The following KIRREL3 variants were observed in gnomAD, a reference collection of about 807,000 sequenced individuals.
KIRREL3 encodes the protein kirre like nephrin family adhesion molecule 3, also known as kin of IRRE-like protein 3.
Under a neutral mutation model 89.7 loss-of-function variants are expected in KIRREL3, and 36 were observed. The observed-to-expected ratio is 0.40, with a 90% CI of 0.31 to 0.53. The LOEUF (loss-of-function observed/expected upper bound fraction) is 0.53. Among genes scored for constraint, KIRREL3 ranks in the 20% least tolerant of loss-of-function variants. KIRREL3 has a pLI of 0.49. For synonymous variants in KIRREL3, 445 were observed against 441.4 expected (o/e 1.01, Z -0.10); for missense variants, 864 against 1,056.6 (o/e 0.82, Z 2.53).
rs923079557 is a variant in KIRREL3, at chr11:126,860,130, G to T, written c.55+140325C>A. Among the ~76,000 whole-genome samples the T allele has an allele frequency of 6.6e-6, 1 of 152,200 alleles. No homozygotes were observed. Among genetic ancestry groups the T allele is most frequent in the Non-Finnish European group, 1.5e-5 (1 of 68,038 alleles). On this transcript the variant is annotated intron_variant, in intron 1 of 16. Transcript: ENST00000525144. The surrounding 1 kb of genome is among the most constrained non-coding windows in gnomAD (Gnocchi z 4.6). ...GGAGTAAGGAGGATAAGGAGAGAAA[G>T]AGGGAGGATGATATTGGAATTAATT...
intron 1 of KIRREL3, among the ~76,000 whole-genome samples, chr11:126,863,953 T>A (rs1260967872): frequency 6.6e-6 from 1 of 152,162 alleles, no homozygotes; most frequent in Non-Finnish European, 1.5e-5. Context: ...GGGACCCCTG[T>A]TACCTGGCTA....
At chr11:126,933,326 C>A (rs1948036172) in intron 1 of KIRREL3, among the ~76,000 whole-genome samples, 1 of 151,910 alleles carries the variant, frequency 6.6e-6, no homozygotes, top group Admixed American at 6.6e-5. Flanking sequence ...AGCCTAAGTT[C>A]ATTGCAGCCT....
At chr11:126,449,980 CG>C (rs1165998083) in intron 7 of KIRREL3, among the ~76,000 whole-genome samples, 1 of 152,192 alleles carries the variant, frequency 6.6e-6, no homozygotes, top group Non-Finnish European at 1.5e-5. Context: ...GGATGTGAGT[CG>C]GAAGTCTCTT....
Position 126,754,431 on chromosome 11 carries a change from G to A in KIRREL3, c.56-191519C>T, listed in dbSNP as rs1220491078. ...TCAATTCAGACCGTGTAACTAGGCT[G>A]GATGCCTGGTTGAAGGGCTTTCTTT... is the stretch of plus-strand genomic sequence containing the variant. On this transcript the variant is annotated intron_variant, in intron 1 of 16. Transcript: ENST00000525144. The surrounding 1 kb of genome is among the most constrained non-coding windows in gnomAD (Gnocchi z 5.1). Among the ~76,000 whole-genome samples, 2 of 152,112 alleles carry A rather than the reference G, an allele frequency of 1.3e-5. No individual in the cohort carries two copies. The highest frequency in any genetic ancestry group is 2.4e-5 in the African/African-American group (1 of 41,420).
rs1263932839 is a variant in KIRREL3, at chr11:126,666,464, C to T, written c.56-103552G>A. The stretch of plus-strand genomic sequence containing the variant: ...AGCTCTTAGAGGATTGCTGAGCCTT[C>T]TAAGGGTTTACCAAGAAGGGACAAA... On this transcript the variant is annotated intron_variant, in intron 1 of 16. Transcript: ENST00000525144. The surrounding 1 kb of genome is among the most constrained non-coding windows in gnomAD (Gnocchi z 4.2). Among the ~76,000 whole-genome samples, 1 of 152,148 alleles carries T rather than the reference C, an allele frequency of 6.6e-6. No individual in the cohort carries two copies. The highest frequency in any genetic ancestry group is 1.5e-5 in the Non-Finnish European group (1 of 68,038).
intron 1 of KIRREL3, among the ~76,000 whole-genome samples, chr11:126,930,146 A>G (rs1238477725): frequency 6.7e-6 from 1 of 150,158 alleles, no homozygotes; most frequent in Non-Finnish European, 1.5e-5. Context: ...CACTTTTCTT[A>G]ATGCATTAAA....
At chr11:126,974,451 C>A (rs1269950971) in intron 1 of KIRREL3, among the ~76,000 whole-genome samples, 4 of 150,846 alleles carry the variant, frequency 2.7e-5, no homozygotes, top group Non-Finnish European at 5.9e-5. Context: ...GCCCGTTACA[C>A]ACCTAGGCTA....
chr11:126,986,895 C>T (rs1949882481), intron 1 of KIRREL3, among the ~76,000 whole-genome samples: 1 of 152,162 alleles, frequency 6.6e-6, no homozygotes, highest in Non-Finnish European at 1.5e-5. Flanking sequence ...TGAGGGGACA[C>T]CATAAGGAAG....
chr11:126,738,119 C>T lies in KIRREL3; in HGVS notation c.56-175207G>A, dbSNP rs573655143. Among the ~76,000 whole-genome samples, 7 of 152,258 alleles carry T rather than the reference C, an allele frequency of 4.6e-5. No homozygotes were observed. The East Asian group carries it at 5.8e-4, about 13-fold the overall frequency. ...GCCAGGGCAGGAGAATGTAAATACACGAGTATACCTAGACCTTCCGATATG... is the reference window on the plus strand; with the variant it reads ...GCCAGGGCAGGAGAATGTAAATACATGAGTATACCTAGACCTTCCGATATG... On this transcript the variant is annotated intron_variant, in intron 1 of 16. Coordinates refer to ENST00000525144, the MANE Select transcript of KIRREL3 (RefSeq NM_032531.4).
chr11:126,851,327 T>G (rs916994189), intron 1 of KIRREL3, among the ~76,000 whole-genome samples: 2 of 152,246 alleles, frequency 1.3e-5, no homozygotes, highest in Non-Finnish European at 2.9e-5. Flanking sequence ...TGTACACTAC[T>G]GGTCCTGAAA....
intron 1 of KIRREL3, among the ~76,000 whole-genome samples, chr11:126,818,026 T>C (rs944868242): frequency 6.6e-6 from 1 of 152,174 alleles, no homozygotes; most frequent in African/African-American, 2.4e-5. Context: ...GACAGATCAA[T>C]CTTGATTAGA....
At chr11:126,728,688 C>G (rs1419782967) in intron 1 of KIRREL3, among the ~76,000 whole-genome samples, 1 of 152,168 alleles carries the variant, frequency 6.6e-6, no homozygotes, top group Non-Finnish European at 1.5e-5. Flanking sequence ...GCAGGAGAAG[C>G]CCTGAGTACT....
chr11:126,536,209 A>G (rs1937854895), intron 2 of KIRREL3, among the ~76,000 whole-genome samples: 2 of 152,170 alleles, frequency 1.3e-5, no homozygotes, highest in South Asian at 4.1e-4. Flanking sequence ...TTTGGAAGGA[A>G]CAGTGATCTG....
intron 3 of KIRREL3, among the ~76,000 whole-genome samples, chr11:126,524,836 G>C (rs893651752): frequency 6.6e-6 from 1 of 152,172 alleles, no homozygotes; most frequent in African/African-American, 2.4e-5. Context: ...GGGCTGTCCT[G>C]CCTGTTTCCA....
In KIRREL3 at chr11:126,574,319, G is replaced by A. The variant is rs1294197534; in HGVS notation, c.56-11407C>T. Among the ~76,000 whole-genome samples the A allele has an allele frequency of 1.3e-5, 2 of 152,150 alleles. No individual in the cohort carries two copies. The highest frequency in any genetic ancestry group is 2.4e-5 in the African/African-American group (1 of 41,434). ...ACCAAACTCCCCCACCTCCTTCAGA[G>A]CCCCATATCCAAGCTGGTGGCCCAG... On this transcript the variant is annotated intron_variant, in intron 1 of 16. Coordinates refer to ENST00000525144, the MANE Select transcript of KIRREL3 (RefSeq NM_032531.4). The surrounding 1 kb of genome is among the most constrained non-coding windows in gnomAD (Gnocchi z 5.3).
At chr11:126,827,693 G>T (rs1214935130) in intron 1 of KIRREL3, among the ~76,000 whole-genome samples, 1 of 152,146 alleles carries the variant, frequency 6.6e-6, no homozygotes, top group Non-Finnish European at 1.5e-5. Context: ...CCTTAAAGTC[G>T]ATAACAATCA....
In KIRREL3 at chr11:126,551,652, C is replaced by CTTT. The variant is rs35323126; in HGVS notation, c.133+11180_133+11182dup. ...GGGTGAGGCCACTCAGGTTTGCAGG[C>CTTT]TTTTTTTTTTTTTTTTGAGACAGAG... On this transcript the variant is annotated intron_variant, in intron 2 of 16. Coordinates refer to ENST00000525144, the MANE Select transcript of KIRREL3 (RefSeq NM_032531.4). This position sits in a 1 kb window ranked among gnomAD's most constrained non-coding sequence, Gnocchi z 4.9. 1.3e-3 allele frequency among the ~76,000 whole-genome samples: 176 copies of CTTT among 135,936 alleles called. 2 individuals are homozygous for CTTT. The highest frequency in any genetic ancestry group is 4.4e-3 in the African/African-American group (159 of 36,336). The allele number at this position is 135,936 out of a possible 152,430, so 89.2% of individuals were successfully genotyped here.
intron 1 of KIRREL3, among the ~76,000 whole-genome samples, chr11:126,846,113 C>T (rs745849546): frequency 2.6e-5 from 4 of 152,098 alleles, no homozygotes; most frequent in Non-Finnish European, 5.9e-5. Flanking sequence ...TATGAGAGAG[C>T]TTTGGTGTGT....
chr11:126,482,642 G>A lies in KIRREL3; in HGVS notation c.434-9176C>T, dbSNP rs570480176. 4.8e-4 allele frequency among the ~76,000 whole-genome samples: 73 copies of A among 152,322 alleles called. No homozygotes were observed. In the Middle Eastern group the frequency reaches 0.01, roughly 21 times the overall value. The stretch of plus-strand genomic sequence containing the variant: ...AAGGCGATAGACGGGCAGGGGAGCT[G>A]GGACTTAGAAGTCCCAGATTGCCCC... On this transcript the variant is annotated intron_variant, in intron 4 of 16. Transcript: ENST00000525144.
Sources: gnomAD v4.1 joint callset for allele counts (sites outside exome capture counted in the v4.1 genomes callset) on GRCh38, gnomAD v4.1.1 for gene constraint, Gnocchi (gnomAD v3.1) non-coding constraint, MANE v1.5 for transcripts, NCBI Gene and HGNC (gene_info 2026-07-23, HGNC 2026-07-21) for gene names.